Variants in TGOLN2 observed in about 807,000 individuals in gnomAD.
TGOLN2 encodes trans-Golgi network integral membrane protein 2.
TGOLN2 carries 19 observed loss-of-function variants against 31.3 expected under a neutral mutation model. The observed-to-expected ratio is 0.61, with a 90% confidence interval of 0.42 to 0.89. The LOEUF is 0.89. Among genes scored for constraint, TGOLN2 ranks in the 40% least tolerant of loss-of-function variants. TGOLN2 has a pLI of 0.00. For missense variants in TGOLN2, 540 were observed against 559.2 expected, an observed-to-expected ratio of 0.97 and a Z score of 0.35; for synonymous variants, 222 against 226.7, an observed-to-expected ratio of 0.98 and a Z score of 0.19.
rs765531221 is a variant in TGOLN2, at chr2:85,327,909, G to T, written c.46+8C>A. On this transcript the variant is annotated splice_region_variant and intron_variant, in intron 1 of 3. Coordinates refer to ENST00000377386, the MANE Select transcript of TGOLN2 (RefSeq NM_006464.4). ...GGCAAGAGTGGGATGCGGGATGGAG[G>T]GTCTTACCCGCCGCTGCGACGTTCA... 2.9e-5 allele frequency: 47 copies of T among 1,596,638 alleles called. No homozygotes were observed. In the East Asian group the frequency reaches 1.1e-3, roughly 36 times the overall value.
chr2:85,325,503 G>A (rs1213789469), intron 2 of TGOLN2, among the ~76,000 whole-genome samples: 1 of 151,860 alleles, frequency 6.6e-6, no homozygotes, highest in African/African-American at 2.4e-5. Context: ...TTAGAGGCAA[G>A]GTCTCACTCT....
At chr2:85,327,771 G>T in intron 1 of TGOLN2, 86 bp from the exon 2 acceptor site, 1 of 1,508,342 alleles carries the variant, frequency 6.6e-7, no homozygotes, top group Non-Finnish European at 9.0e-7. Context: ...GGAGCAGCGG[G>T]GGAATGGGGA....
In TGOLN2 at chr2:85,327,258, T is replaced by C. The variant is rs1172966668; in HGVS notation, c.474A>G (p.Ala158=). ...EDSPNRSGAE[A]KTQKDSPSKS... ...TGCTAGGGCTGTCTTTTTGGGTCTTTGCCTCCGCACCCGACCTGTTGGGGC... is the reference window on the plus strand; with the variant it reads ...TGCTAGGGCTGTCTTTTTGGGTCTTCGCCTCCGCACCCGACCTGTTGGGGC... Residue 158 remains alanine, a synonymous_variant, in exon 2 of 4, where the codon GCA becomes GCG. Transcript: ENST00000377386. 5.0e-6 allele frequency: 8 copies of C among 1,604,180 alleles called. No homozygotes were observed. The highest frequency in any genetic ancestry group is 1.4e-5 in the African/African-American group (1 of 71,576).
rs776884420 is a variant in TGOLN2, at chr2:85,321,011, G to C, written c.*1725C>G. The stretch of plus-strand genomic sequence containing the variant: ...ACATACTGGAGAAGTTGAGCAGCGG[G>C]ATGAATAACAAATAGGACAGATGGG... On this transcript the variant is annotated 3_prime_UTR_variant, in exon 4 of 4. Transcript: ENST00000377386. The C allele has an allele frequency of 6.6e-6, 1 of 152,228 alleles. No homozygotes were observed. Among genetic ancestry groups the C allele is most frequent in the Non-Finnish European group, 1.5e-5 (1 of 68,046 alleles). 9.4% of individuals were successfully genotyped at this position (152,228 alleles called of 1,614,324 possible). A position where few individuals can be genotyped will look rare whatever the true frequency, so the allele number is the denominator to read the frequency against.
intron 3 of TGOLN2, 93 bp downstream of exon 3, chr2:85,324,822 C>T (rs1164237055): frequency 8.9e-5 from 105 of 1,180,690 alleles, no homozygotes; most frequent in Non-Finnish European, 2.5e-6. Context: ...TCAGCCACTG[C>T]TGCTTCATGG....
Position 85,326,908 on chromosome 2 carries a change from A to AG in TGOLN2, c.823dup (p.Leu275ProfsTer5). ...AAGCTGGTTTGTGTCAGCCTTGGGGAGCTCCTTGTTATCAGAAGGGTTGGA... is the reference window on the plus strand; with the variant it reads ...AAGCTGGTTTGTGTCAGCCTTGGGGAGGCTCCTTGTTATCAGAAGGGTTGGA... On this transcript the variant is annotated frameshift_variant, in exon 2 of 4. Transcript: ENST00000377386. LOFTEE classifies it high-confidence loss of function. The AG allele has an allele frequency of 2.5e-6, 4 of 1,613,920 alleles. No homozygotes were observed. Among genetic ancestry groups the AG allele is most frequent in the Non-Finnish European group, 3.4e-6 (4 of 1,179,882 alleles).
chr2:85,321,787 AT>A lies in TGOLN2; in HGVS notation c.*948del, dbSNP rs1477261749. On this transcript the variant is annotated 3_prime_UTR_variant, in exon 4 of 4. Coordinates refer to ENST00000377386, the MANE Select transcript of TGOLN2 (RefSeq NM_006464.4). ...ATGGACTTTGTGGGAAATGTATCTC[AT>A]AAAAGCCCTTTGGAAAAACTGCAGA... is the stretch of plus-strand genomic sequence containing the variant. 1.3e-5 allele frequency: 2 copies of A among 152,262 alleles called. No individual in the cohort carries two copies. The highest frequency in any genetic ancestry group is 2.4e-5 in the African/African-American group (1 of 41,476). 9.4% of individuals were successfully genotyped at this position (152,262 alleles called of 1,614,324 possible).
Position 85,326,522 on chromosome 2 carries a change from G to C in TGOLN2, c.1210C>G (p.His404Asp). ...TGTCGACTTACCTTCCGCTTGTTGT[G>C]ATGAGCGATATAGAGGACAGCCACA... ...ILVAVLYIAH[H>D]NKRKIIAFVL... is the part of the protein sequence containing the mutation. Residue 404 changes from histidine (H) to aspartate (D), a missense_variant, in exon 2 of 4, where the codon CAC (histidine) becomes GAC (aspartate). By Grantham distance (81) the His-to-Asp change is moderately conservative. Coordinates refer to ENST00000377386, the MANE Select transcript of TGOLN2 (RefSeq NM_006464.4). 6.2e-7 allele frequency: 1 copy of C among 1,611,582 alleles called. No homozygotes were observed. The highest frequency in any genetic ancestry group is 8.5e-7 in the Non-Finnish European group (1 of 1,177,926).
intron 1 of TGOLN2, 89 bp downstream of exon 1, chr2:85,327,828 G>T: frequency 6.5e-7 from 1 of 1,538,676 alleles, no homozygotes; most frequent in Non-Finnish European, 8.8e-7. Context: ...GGTGGGTCGG[G>T]TAGGGAAGAA....
intron 3 of TGOLN2, 194 bp downstream of exon 3, chr2:85,324,721 C>T (rs921007336): frequency 3.2e-6 from 2 of 629,704 alleles, no homozygotes; most frequent in African/African-American, 3.7e-5. Context: ...TCTCTGCTAG[C>T]TCTAACGTCA....
chr2:85,326,834 C>T lies in TGOLN2; in HGVS notation c.898G>A (p.Glu300Lys), dbSNP rs1682749991. ...GGGGGAGAAATGAGGTCAGTTTCCT[C>T]CCCAGATTCGGTTTTGAAAGCATGA... ...SPHAFKTESG[E>K]ETDLISPPQE... The change falls in exon 2 of 4, where the codon GAG (glutamate) becomes AAG (lysine). Residue 300 changes from glutamate (E) to lysine (K), a missense_variant. By Grantham distance (56) the Glu-to-Lys change is moderately conservative (BLOSUM62 1). Transcript: ENST00000377386. 1 of 1,614,034 alleles carries T rather than the reference C, an allele frequency of 6.2e-7. No individual in the cohort carries two copies. Among genetic ancestry groups the T allele is most frequent in the East Asian group, 2.2e-5 (1 of 44,884 alleles).
intron 3 of TGOLN2, 116 bp downstream of exon 3, chr2:85,324,799 C>T (rs980293830): frequency 2.2e-5 from 20 of 899,766 alleles, no homozygotes; most frequent in African/African-American, 1.7e-4. Context: ...CAACAGCAAC[C>T]GCATCCCCAG....
Position 85,320,568 on chromosome 2 carries a change from GAAGA to G in TGOLN2, c.*2164_*2167del, listed in dbSNP as rs1331994454. 6.6e-6 allele frequency: 1 copy of G among 152,248 alleles called. No homozygotes were observed. Among genetic ancestry groups the G allele is most frequent in the African/African-American group, 2.4e-5 (1 of 41,456 alleles). The allele number at this position is 152,248 out of a possible 1,614,324, so 9.4% of individuals were successfully genotyped here. ...GTTGGGAGGGACAGGCTGATGGACA[GAAGA>G]GAGAAATTCCTTTCAATGACAACCA... is the stretch of plus-strand genomic sequence containing the variant. On this transcript the variant is annotated 3_prime_UTR_variant, in exon 4 of 4. Transcript: ENST00000377386.
chr2:85,325,643 AATTTTTTT>A (rs879873710), intron 2 of TGOLN2, among the ~76,000 whole-genome samples: 52 of 152,048 alleles, frequency 3.4e-4, no homozygotes, highest in Non-Finnish European at 6.8e-4. Flanking sequence ...ACATCTGGCT[AATTTTTTT>A]ATTATATGTA....
At chr2:85,322,897 G>A in intron 3 of TGOLN2, 156 bp from the exon 4 acceptor site, 1 of 1,270,008 alleles carries the variant, frequency 7.9e-7, no homozygotes, top group South Asian at 1.6e-5. Flanking sequence ...ATATACACTT[G>A]ATGGAGAGAG....
Position 85,321,057 on chromosome 2 carries a change from T to C in TGOLN2, c.*1679A>G, listed in dbSNP as rs1682529364. 1 of 151,914 alleles carries C rather than the reference T, an allele frequency of 6.6e-6. No homozygotes were observed. The highest frequency in any genetic ancestry group is 1.5e-5 in the Non-Finnish European group (1 of 68,010). 9.4% of individuals were successfully genotyped at this position (151,914 alleles called of 1,614,324 possible). ...ATGGGAACAGAAAAATCTGGGTGCATACGAAGGTGGATGGAAAGGAGCTGG... is the reference window on the plus strand; with the variant it reads ...ATGGGAACAGAAAAATCTGGGTGCACACGAAGGTGGATGGAAAGGAGCTGG... On this transcript the variant is annotated 3_prime_UTR_variant, in exon 4 of 4. Transcript: ENST00000377386.
At position 85,326,500 on chromosome 2, in the gene TGOLN2, C is replaced by G. The variant is rs368627202; in HGVS notation, c.1224+8G>C. The G allele has an allele frequency of 6.2e-7, 1 of 1,607,896 alleles. No homozygotes were observed. The highest frequency in any genetic ancestry group is 8.5e-7 in the Non-Finnish European group (1 of 1,175,294). On this transcript the variant is annotated splice_region_variant and intron_variant, in intron 2 of 3. Transcript: ENST00000377386. ...CCACTCCCCTCCGGAAGGCCGCTGTCGACTTACCTTCCGCTTGTTGTGATG... is the reference window on the plus strand; with the variant it reads ...CCACTCCCCTCCGGAAGGCCGCTGTGGACTTACCTTCCGCTTGTTGTGATG...
In TGOLN2 at chr2:85,326,873, CTTTGTCAGCAAGCTGG is replaced by C; in HGVS notation, c.843_858del (p.Asn281LysfsTer105). The C allele has an allele frequency of 6.2e-7, 1 of 1,614,004 alleles. No individual in the cohort carries two copies. Among genetic ancestry groups the C allele is most frequent in the African/African-American group, 1.3e-5 (1 of 75,034 alleles). On this transcript the variant is annotated frameshift_variant, in exon 2 of 4. Coordinates refer to ENST00000377386, the MANE Select transcript of TGOLN2 (RefSeq NM_006464.4). LOFTEE classifies it high-confidence loss of function. ...TTGAAAGCATGAGGAGAAAGCTTCC[CTTTGTCAGCAAGCTGG>C]TTTGTGTCAGCCTTGGGGAGCTCCT...
At chr2:85,323,570 A>T (rs1310493298) in intron 3 of TGOLN2, among the ~76,000 whole-genome samples, 6 of 152,218 alleles carry the variant, frequency 3.9e-5, no homozygotes, top group Non-Finnish European at 8.8e-5. Flanking sequence ...CGTCTCAAAA[A>T]CAAACAAACA....
Sources: gnomAD v4.1 joint callset for allele counts (sites outside exome capture counted in the v4.1 genomes callset) on GRCh38, gnomAD v4.1.1 for gene constraint, MANE v1.5 for transcripts, NCBI Gene and HGNC (gene_info 2026-07-23, HGNC 2026-07-21) for gene names.